AVEN: variants seen among roughly 807,000 people sequenced by gnomAD.
AVEN encodes cell death regulator Aven.
In AVEN, 41 loss-of-function variants were observed where a neutral mutation model predicts 38.1. That is an observed-to-expected ratio of 1.08 (90% CI 0.84 to 1.40). The LOEUF is 1.40. Ranked by LOEUF, AVEN falls within the 40% of genes most tolerant of loss-of-function variation. The pLI, the probability that AVEN is intolerant of heterozygous loss-of-function variation, is 0.00. For synonymous variants in AVEN, 206 were observed against 171.8 expected (o/e 1.20, Z -1.56); for missense variants, 605 against 438.8 (o/e 1.38, Z -3.38).
intron 1 of AVEN, among the ~76,000 whole-genome samples, chr15:34,023,858 C>T (rs1170244711): frequency 6.6e-6 from 1 of 152,130 alleles, no homozygotes; most frequent in Non-Finnish European, 1.5e-5. Flanking sequence ...CTGACAGATG[C>T]CACGTTTTTG....
intron 2 of AVEN, among the ~76,000 whole-genome samples, chr15:33,933,260 T>C (rs1171902485): frequency 1.3e-5 from 2 of 152,074 alleles, no homozygotes; most frequent in Non-Finnish European, 1.5e-5. Flanking sequence ...ACAGCCCTTG[T>C]CTCTCTCTGT....
rs117176454 is a variant in AVEN, at chr15:33,957,826, C to T, written c.445+45206G>A. The stretch of plus-strand genomic sequence containing the variant: ...GTGCTAGAAATCAGAACTGTGATTG[C>T]CTGGGGAGAGAGGCAAAAAGGGTGA... On this transcript the variant is annotated intron_variant, in intron 2 of 5. Coordinates refer to ENST00000306730, the MANE Select transcript of AVEN (RefSeq NM_020371.3). Among the ~76,000 whole-genome samples, 1,233 of 151,886 alleles carry T rather than the reference C, an allele frequency of 8.1e-3. 9 individuals carry two copies. The highest frequency in any genetic ancestry group is 0.014 in the Non-Finnish European group (945 of 67,978).
At chr15:33,894,340 C>T (rs937653856) in intron 2 of AVEN, among the ~76,000 whole-genome samples, 1 of 151,958 alleles carries the variant, frequency 6.6e-6, no homozygotes. Flanking sequence ...AGAAAGAACA[C>T]GCACTGGATA....
At chr15:33,854,470 A>G (rs767552185), downstream of AVEN, 14 of 1,547,140 alleles carry the variant, frequency 9.0e-6, no homozygotes, top group African/African-American at 1.9e-4. Context: ...CACCTGGAAA[A>G]ACAAAATTCT....
chr15:34,059,117 G>A (rs1315967607), intron 5 of AVEN, among the ~76,000 whole-genome samples: 17 of 149,436 alleles, frequency 1.1e-4, no homozygotes, highest in East Asian at 7.7e-4. Context: ...GGCTGGTCTC[G>A]AATTCCTGAC....
Position 34,074,895 on chromosome 15 carries a change from T to C in AVEN, n.261A>G, listed in dbSNP as rs1215418113. Among the ~76,000 whole-genome samples, 7 of 152,076 alleles carry C rather than the reference T, an allele frequency of 4.6e-5. No homozygotes were observed. The East Asian group carries it at 1.2e-3, about 25-fold the overall frequency. On this transcript the variant is annotated non_coding_transcript_exon_variant, in exon 1 of 12. Coordinates refer to the AVEN transcript ENST00000675287. ...GATGGGTAGTATTGAATGGAAAGGA[T>C]TGACCAGGTGCGGTGGCTCACACCT... is the stretch of plus-strand genomic sequence containing the variant.
At chr15:33,916,764 T>C (rs1056501184) in intron 2 of AVEN, among the ~76,000 whole-genome samples, 1 of 152,036 alleles carries the variant, frequency 6.6e-6, no homozygotes, top group African/African-American at 2.4e-5. Flanking sequence ...CAACCATCGT[T>C]ATTAGTCTGT....
downstream of AVEN, among the ~76,000 whole-genome samples, chr15:33,863,667 T>C (rs983941360): frequency 2.0e-5 from 3 of 152,092 alleles, no homozygotes; most frequent in African/African-American, 7.2e-5. Flanking sequence ...AACAAAACTA[T>C]AGTTCTGGAA....
intron 2 of AVEN, among the ~76,000 whole-genome samples, chr15:33,889,828 T>G (rs896030772): frequency 4.6e-5 from 7 of 152,368 alleles, no homozygotes; most frequent in Non-Finnish European, 8.8e-5. Flanking sequence ...GGAGCAGCTG[T>G]GGCTTCTTGT....
chr15:33,915,194 G>A (rs965910350), intron 2 of AVEN, among the ~76,000 whole-genome samples: 15 of 152,156 alleles, frequency 9.9e-5, no homozygotes, highest in Non-Finnish European at 2.1e-4. Flanking sequence ...CTCCCACTCA[G>A]AGCAGCATGT....
At chr15:33,919,987 CCT>C (rs1893329475) in intron 2 of AVEN, among the ~76,000 whole-genome samples, 1 of 152,070 alleles carries the variant, frequency 6.6e-6, no homozygotes, top group Non-Finnish European at 1.5e-5. Context: ...CTCTTCCTAA[CCT>C]CTTATTCCTT....
chr15:33,952,258 A>G (rs75883470), intron 2 of AVEN, among the ~76,000 whole-genome samples: 64 of 152,330 alleles, frequency 4.2e-4, no homozygotes, highest in Admixed American at 1.8e-3. Flanking sequence ...AAATCACTCC[A>G]GGTTCAAAGG....
chr15:33,861,968 T>C (rs1888408611), downstream of AVEN, among the ~76,000 whole-genome samples: 3 of 152,122 alleles, frequency 2.0e-5, no homozygotes, highest in Admixed American at 6.5e-5. Context: ...TGGCACCCAG[T>C]AGGCAACTAA....
intron 1 of AVEN, among the ~76,000 whole-genome samples, chr15:34,016,753 G>T (rs143972786): frequency 3.9e-5 from 6 of 152,140 alleles, no homozygotes; most frequent in Admixed American, 3.3e-4. Flanking sequence ...TAACCGTTTG[G>T]TCAAAAACAA....
At chr15:33,948,160 T>C (rs1894579665) in intron 2 of AVEN, among the ~76,000 whole-genome samples, 1 of 150,628 alleles carries the variant, frequency 6.6e-6, no homozygotes, top group African/African-American at 2.4e-5. Context: ...TGCAGTGGCA[T>C]GATCTCGGCT....
At chr15:33,987,069 C>T (rs1896508428) in intron 2 of AVEN, among the ~76,000 whole-genome samples, 1 of 152,184 alleles carries the variant, frequency 6.6e-6, no homozygotes, top group Admixed American at 6.5e-5. Context: ...CCACTCAATG[C>T]CTCTAAATTA....
chr15:34,013,937 C>T (rs991513938), intron 1 of AVEN, among the ~76,000 whole-genome samples: 1 of 152,160 alleles, frequency 6.6e-6, no homozygotes, highest in African/African-American at 2.4e-5. Context: ...CTGACTCTTC[C>T]CAACCTCAAG....
In AVEN at chr15:33,896,008, T is replaced by C. The variant is rs182805923; in HGVS notation, c.446-20013A>G. 4.9e-3 allele frequency among the ~76,000 whole-genome samples: 749 copies of C among 152,318 alleles called. 10 individuals carry two copies. The highest frequency in any genetic ancestry group is 8.4e-3 in the Non-Finnish European group (573 of 68,026). ...GGTAGAGAATTCAAAAGGGTCTTGC[T>C]GTAGTAGAGAATAATTAACGCCACA... On this transcript the variant is annotated intron_variant, in intron 2 of 5. Transcript: ENST00000306730.
chr15:34,063,928 C>T lies in AVEN; in HGVS notation n.1127-496G>A, dbSNP rs1171546257. On this transcript the variant is annotated intron_variant and non_coding_transcript_variant, in intron 4 of 11. Coordinates refer to the AVEN transcript ENST00000675287. The surrounding 1 kb of genome is among the most constrained non-coding windows in gnomAD (Gnocchi z 4.1). The stretch of plus-strand genomic sequence containing the variant: ...GGCTGTCACAAGGTGAAAATCATGC[C>T]CTGCCCCTTCCCAGTGGCCAAGGAA... The T allele has an allele frequency of 1.2e-6, 2 of 1,614,136 alleles. No individual in the cohort carries two copies. Among genetic ancestry groups the T allele is most frequent in the South Asian group, 1.1e-5 (1 of 91,082 alleles).
Sources: allele counts gnomAD v4.1 joint callset (sites outside exome capture counted in the v4.1 genomes callset), GRCh38; gene constraint gnomAD v4.1.1; non-coding constraint Gnocchi (gnomAD v3.1); transcripts MANE v1.5; gene names NCBI Gene and HGNC (gene_info 2026-07-23, HGNC 2026-07-21).